Variants in C19orf47 observed in about 807,000 individuals in gnomAD.
C19orf47 encodes uncharacterized protein C19orf47.
C19orf47 carries 18 observed loss-of-function variants against 32.3 expected under a neutral mutation model. The ratio of observed to expected loss-of-function variants is 0.56; its 90% confidence interval spans 0.39 to 0.83. The LOEUF is 0.83. Among genes scored for constraint, C19orf47 ranks in the 40% least tolerant of loss-of-function variants. The probability of loss-of-function intolerance (pLI) is 0.00; values close to 1 mark genes in which losing one functional copy is unlikely to be tolerated. For missense variants in C19orf47, 484 were observed against 531.6 expected (o/e 0.91, Z 0.88); for synonymous variants, 202 against 211.1 (o/e 0.96, Z 0.37).
chr19:40,324,059 C>T lies in C19orf47; in HGVS notation c.610G>A (p.Val204Met), dbSNP rs1453821699. The T allele has an allele frequency of 6.2e-7, 1 of 1,614,240 alleles. No homozygotes were observed. Among genetic ancestry groups the T allele is most frequent in the Admixed American group, 1.7e-5 (1 of 60,030 alleles). ...QAAKGLHRTS[V>M]FDRLGAETKA... ...GTCTCGGCGCCGAGGCGGTCAAACA[C>T]AGACGTCCTATGGAGACCTGGGAGG... is the stretch of plus-strand genomic sequence containing the variant. Residue 204 changes from valine (V) to methionine (M), a missense_variant, in exon 8 of 9, where the codon GTG becomes ATG. Val to Met is a conservative substitution (Grantham distance 21, BLOSUM62 1). Transcript: ENST00000683109.
chr19:40,295,484 G>C, the C19orf47 span, among the ~76,000 whole-genome samples: 1 of 152,038 alleles, frequency 6.6e-6, no homozygotes, highest in Non-Finnish European at 1.5e-5. Flanking sequence ...GCCCAGGCTG[G>C]AGTGCAATAA....
At chr19:40,335,422 C>T (rs527340955) in intron 4 of C19orf47, among the ~76,000 whole-genome samples, 8 of 152,272 alleles carry the variant, frequency 5.3e-5, no homozygotes, top group African/African-American at 1.9e-4. Context: ...CAGGCAGTTT[C>T]CACTGTGCTA....
At chr19:40,344,015 C>T (rs766116023) in intron 1 of C19orf47, among the ~76,000 whole-genome samples, 3 of 151,180 alleles carry the variant, frequency 2.0e-5, no homozygotes, top group South Asian at 2.1e-4. Context: ...AGGCTAGTCT[C>T]GAACTCCTGA....
chr19:40,345,491 G>C (rs1281172654), intron 1 of C19orf47, among the ~76,000 whole-genome samples: 1 of 146,730 alleles, frequency 6.8e-6, no homozygotes, highest in Non-Finnish European at 1.5e-5. Flanking sequence ...TGGAGCCCAG[G>C]ATTTTGAGGC....
intron 7 of C19orf47, among the ~76,000 whole-genome samples, chr19:40,324,989 T>C (rs1329627366): frequency 6.7e-6 from 1 of 148,216 alleles, no homozygotes; most frequent in Admixed American, 6.7e-5. Context: ...AAAAGTTAGG[T>C]CCAGGCATGG....
the C19orf47 span, among the ~76,000 whole-genome samples, chr19:40,309,912 G>C: frequency 6.6e-6 from 1 of 152,140 alleles, no homozygotes; most frequent in Non-Finnish European, 1.5e-5. Context: ...CTCATATACT[G>C]CTGGTGGAAA....
chr19:40,322,721 C>A (rs147424887), intron 8 of C19orf47, among the ~76,000 whole-genome samples: 24 of 152,302 alleles, frequency 1.6e-4, no homozygotes, highest in African/African-American at 5.8e-4. Context: ...AGAGATTAAT[C>A]TGGTCATTCA....
At chr19:40,343,785 C>T (rs2078221989) in intron 1 of C19orf47, 1 of 151,626 alleles carries the variant, frequency 6.6e-6, no homozygotes, top group African/African-American at 2.4e-5. Flanking sequence ...CCTTCTCTGG[C>T]TTCTGCTCAA....
At position 40,322,273 on chromosome 19, in the gene C19orf47, C is replaced by G. The variant is rs766378699; in HGVS notation, c.767G>C (p.Gly256Ala). ...GCCCCGTCCTAGCTTCTTCAGGACC[C>G]CGGCATACTGCAAGACAGAGCTGCT... ...DSSSSVLQYA[G>A]VLKKLGRGPA... The change falls in exon 9 of 9, where the codon GGG (glycine) becomes GCG (alanine). Residue 256 changes from glycine (G) to alanine (A), a missense_variant. Physicochemically the swap from Gly to Ala is moderately conservative, Grantham distance 60. Around this residue, in one of 3 missense-constraint regions of C19orf47, gnomAD observed 376 missense variants for 370.2 expected, o/e 1.02. Coordinates refer to ENST00000683109, the MANE Select transcript of C19orf47 (RefSeq NM_001256441.2). 12 of 1,608,962 alleles carry G rather than the reference C, an allele frequency of 7.5e-6. 1 individual carries two copies. In the South Asian group the frequency reaches 1.2e-4, roughly 16 times the overall value.
intron 5 of C19orf47, 143 bp from the exon 6 acceptor site, chr19:40,328,693 C>T: frequency 1.8e-6 from 2 of 1,137,534 alleles, no homozygotes; most frequent in Middle Eastern, 3.0e-4. Context: ...CTGCATGGTA[C>T]TCGTGATGGG....
intron 4 of C19orf47, among the ~76,000 whole-genome samples, chr19:40,335,661 G>A (rs2078049096): frequency 6.6e-6 from 1 of 151,058 alleles, no homozygotes. Flanking sequence ...CCAGGCTGGA[G>A]TGCAGTGGTG....
At chr19:40,307,700 G>C in the C19orf47 span, among the ~76,000 whole-genome samples, 1 of 152,044 alleles carries the variant, frequency 6.6e-6, no homozygotes, top group East Asian at 1.9e-4. Context: ...TGTATGCCAG[G>C]TACTGTTTTA....
chr19:40,323,461 C>T (rs1201124946), intron 8 of C19orf47, among the ~76,000 whole-genome samples: 5 of 152,172 alleles, frequency 3.3e-5, no homozygotes, highest in African/African-American at 1.2e-4. Flanking sequence ...GACTGCGGGC[C>T]GCGGCAGGAA....
chr19:40,328,982 C>A (rs562297781), intron 5 of C19orf47, among the ~76,000 whole-genome samples: 25 of 152,260 alleles, frequency 1.6e-4, no homozygotes, highest in African/African-American at 5.5e-4. Context: ...ATTGCTGCGT[C>A]TCATCATTCA....
chr19:40,337,842 A>C (rs2078096321), intron 2 of C19orf47, among the ~76,000 whole-genome samples: 1 of 151,744 alleles, frequency 6.6e-6, no homozygotes, highest in African/African-American at 2.4e-5. Context: ...TGTCCTTAGG[A>C]TTTCCTCCGC....
intron 2 of C19orf47, among the ~76,000 whole-genome samples, chr19:40,341,465 TAAC>T (rs1421602789): frequency 3.3e-5 from 5 of 152,214 alleles, no homozygotes; most frequent in Non-Finnish European, 7.3e-5. Flanking sequence ...CTTGTGATAA[TAAC>T]AACACCTAAG....
chr19:40,343,239 G>A (rs1444371865), intron 1 of C19orf47, among the ~76,000 whole-genome samples: 1 of 151,836 alleles, frequency 6.6e-6, no homozygotes, highest in East Asian at 1.9e-4. Context: ...CCCCGCATGG[G>A]GTGCAGAAGC....
chr19:40,325,801 C>A (rs1403177625), intron 7 of C19orf47, among the ~76,000 whole-genome samples: 1 of 152,188 alleles, frequency 6.6e-6, no homozygotes, highest in African/African-American at 2.4e-5. Context: ...GAGTTACAGG[C>A]ATGGGCCACC....
chr19:40,303,803 GAAAAAAAAAAAAAA>G, the C19orf47 span, among the ~76,000 whole-genome samples: 4 of 45,336 alleles, frequency 8.8e-5, no homozygotes, highest in African/African-American at 2.0e-4. Flanking sequence ...GACTTTGTCT[GAAAAAAAAAAAAAA>G]AAAAAAAAAA....
Sources: allele counts gnomAD v4.1 joint callset (sites outside exome capture counted in the v4.1 genomes callset), GRCh38; gene constraint gnomAD v4.1.1; regional missense constraint gnomAD v4.1.1; transcripts MANE v1.5; gene names NCBI Gene and HGNC (gene_info 2026-07-23, HGNC 2026-07-21).